PRKG2: variants seen among roughly 807,000 people sequenced by gnomAD.
PRKG2 encodes the protein protein kinase cGMP-dependent 2, also known as cGMP-dependent protein kinase 2.
PRKG2 carries 33 observed loss-of-function variants against 97.2 expected under a neutral mutation model. The ratio of observed to expected loss-of-function variants is 0.34; its 90% CI spans 0.26 to 0.45. The LOEUF (loss-of-function observed/expected upper bound fraction) is 0.45. PRKG2 is among the 20% of genes least tolerant of loss of function. The probability of loss-of-function intolerance (pLI) is 1.00; values close to 1 mark genes in which losing one functional copy is unlikely to be tolerated. For synonymous variants in PRKG2, 330 were observed against 321.8 expected (o/e 1.03, Z -0.27); for missense variants, 638 against 900.0 (o/e 0.71, Z 3.73).
At chr4:81,142,972 C>A (rs778408709) in intron 10 of PRKG2, 25 bp from the exon 11 acceptor site, 2 of 1,563,466 alleles carry the variant, frequency 1.3e-6, no homozygotes, top group Non-Finnish European at 1.7e-6. Context: ...TGAAACTTTA[C>A]ACACACACAC....
At chr4:81,138,995 C>G (rs142164189) in intron 12 of PRKG2, among the ~76,000 whole-genome samples, 15 of 152,218 alleles carry the variant, frequency 9.9e-5, no homozygotes, top group Non-Finnish European at 1.8e-4. Flanking sequence ...AGCATAAATT[C>G]TAGTCATTGC....
chr4:81,107,754 G>A (rs991004312), intron 15 of PRKG2, among the ~76,000 whole-genome samples: 15 of 151,886 alleles, frequency 9.9e-5, no homozygotes, highest in Middle Eastern at 3.4e-3. Flanking sequence ...CTCGTGATCC[G>A]CCCGCCTCAG....
intron 17 of PRKG2, among the ~76,000 whole-genome samples, chr4:81,098,707 C>T (rs532521709): frequency 6.6e-6 from 1 of 152,224 alleles, no homozygotes; most frequent in East Asian, 1.9e-4. Flanking sequence ...TCAGAACACA[C>T]AACATATATC....
chr4:81,196,649 A>T (rs1752975027), intron 2 of PRKG2, among the ~76,000 whole-genome samples: 1 of 152,102 alleles, frequency 6.6e-6, no homozygotes, highest in Admixed American at 6.6e-5. Context: ...TGGCATCACA[A>T]ATAACCCAAG....
At chr4:81,127,839 T>C (rs927594567) in intron 14 of PRKG2, among the ~76,000 whole-genome samples, 3 of 152,202 alleles carry the variant, frequency 2.0e-5, no homozygotes, top group Non-Finnish European at 4.4e-5. Context: ...TCTTGGCTGA[T>C]TGCCCTGGCC....
At chr4:81,150,546 C>A (rs867611054) in intron 8 of PRKG2, among the ~76,000 whole-genome samples, 54 of 152,088 alleles carry the variant, frequency 3.6e-4, no homozygotes, top group African/African-American at 1.3e-3. Flanking sequence ...TTTCAAACAC[C>A]TTTAGGAGTT....
chr4:81,143,579 G>A (rs1747512197), intron 10 of PRKG2, among the ~76,000 whole-genome samples: 2 of 152,094 alleles, frequency 1.3e-5, no homozygotes, highest in Admixed American at 1.3e-4. Context: ...TACCACAAAA[G>A]GCCTTCAGCG....
rs1754216603 is a variant in PRKG2 at position 81,215,139 on chromosome 4, G to A, written c.-217C>T. ...GCTCAGTCGCTCCGGCTACGTGTGA[G>A]CCGGGGGCGCGGGTTAGCGCGATGC... On this transcript the variant is annotated 5_prime_UTR_variant, in exon 1 of 19. Transcript: ENST00000264399. 6.6e-6 allele frequency: 1 copy of A among 152,412 alleles called. No individual in the cohort carries two copies. The highest frequency in any genetic ancestry group is 6.5e-5 in the Admixed American group (1 of 15,284). The allele number at this position is 152,412 out of a possible 1,614,324, so 9.4% of individuals were successfully genotyped here.
chr4:81,108,462 A>T (rs1743574355), intron 15 of PRKG2, among the ~76,000 whole-genome samples: 1 of 150,778 alleles, frequency 6.6e-6, no homozygotes, highest in East Asian at 1.9e-4. Context: ...ACTTATTTAT[A>T]TATTAACACT....
At chr4:81,188,168 A>G (rs1752064708) in intron 2 of PRKG2, among the ~76,000 whole-genome samples, 1 of 152,036 alleles carries the variant, frequency 6.6e-6, no homozygotes, top group Non-Finnish European at 1.5e-5. Context: ...ACTCAAACAA[A>G]TTTACAAGAA....
chr4:81,190,948 G>C (rs1752430750), intron 2 of PRKG2, among the ~76,000 whole-genome samples: 1 of 152,300 alleles, frequency 6.6e-6, no homozygotes, highest in African/African-American at 2.4e-5. Flanking sequence ...TGCTGGAGAG[G>C]ATGTGGAGAA....
chr4:81,188,775 A>G (rs1334085245), intron 2 of PRKG2, among the ~76,000 whole-genome samples: 5 of 110,750 alleles, frequency 4.5e-5, no homozygotes, highest in Non-Finnish European at 4.7e-5. Context: ...TCGCAAGAAC[A>G]AAAAACGAAA....
chr4:81,186,497 C>G (rs1751890601), intron 2 of PRKG2, among the ~76,000 whole-genome samples: 1 of 152,176 alleles, frequency 6.6e-6, no homozygotes, highest in African/African-American at 2.4e-5. Flanking sequence ...ATTTATACCA[C>G]TCAATGCCCA....
Position 81,135,291 on chromosome 4 carries a change from C to T in PRKG2, c.1640G>A (p.Ser547Asn). ...ELWSILRDRG[S>N]FDEPTSKFCV... ...GAATTTGGAGGTGGGTTCATCAAAGCTGCCTCTGCAACGAAATCATTTTCC... is the reference window on the plus strand; with the variant it reads ...GAATTTGGAGGTGGGTTCATCAAAGTTGCCTCTGCAACGAAATCATTTTCC... Residue 547 changes from serine to asparagine, a missense_variant, in exon 14 of 19, where the codon AGC becomes AAC. Ser to Asn is a conservative substitution (Grantham distance 46). Around this residue, in one of 3 missense-constraint regions of PRKG2, gnomAD observed 304 missense variants for 460.5 expected, o/e 0.66. Coordinates refer to ENST00000264399, the MANE Select transcript of PRKG2 (RefSeq NM_006259.3). The T allele has an allele frequency of 6.2e-7, 1 of 1,612,092 alleles. No homozygotes were observed. Among genetic ancestry groups the T allele is most frequent in the Non-Finnish European group, 8.5e-7 (1 of 1,179,086 alleles).
intron 18 of PRKG2, among the ~76,000 whole-genome samples, chr4:81,090,681 A>G (rs2109935597): frequency 6.6e-6 from 1 of 152,336 alleles, no homozygotes; most frequent in Admixed American, 6.5e-5. Flanking sequence ...AATATTATTT[A>G]TGATAGATCA....
intron 2 of PRKG2, among the ~76,000 whole-genome samples, chr4:81,191,311 T>A (rs529890008): frequency 3.9e-5 from 6 of 152,214 alleles, no homozygotes; most frequent in African/African-American, 1.4e-4. Context: ...GAAACCATCA[T>A]TCTCAGCAAA....
At position 81,098,177 on chromosome 4, in the gene PRKG2, C is replaced by T. The variant is rs138486959; in HGVS notation, c.2127-5725G>A. Among the ~76,000 whole-genome samples, 19 of 152,178 alleles carry T rather than the reference C, an allele frequency of 1.2e-4. No homozygotes were observed. The East Asian group carries it at 3.5e-3, about 28-fold the overall frequency. On this transcript the variant is annotated intron_variant, in intron 17 of 18. Transcript: ENST00000264399. ...AGAAAAATGTGAAAAGAGAGACTGG[C>T]CTAGCCTCCCAGTCTACATCTTTCT...
At position 81,110,467 on chromosome 4, in the gene PRKG2, A is replaced by G. The variant is rs762265808; in HGVS notation, c.1921T>C (p.Tyr641His). Residue 641 changes from tyrosine to histidine, a missense_variant, in exon 15 of 19, where the codon TAT (tyrosine) becomes CAT (histidine). Physicochemically the swap from Tyr to His is moderately conservative, Grantham distance 83 (BLOSUM62 2). Around this residue, in one of 3 missense-constraint regions of PRKG2, gnomAD observed 304 missense variants for 460.5 expected, o/e 0.66. Coordinates refer to ENST00000264399, the MANE Select transcript of PRKG2 (RefSeq NM_006259.3). ...VDFWSLGILV[Y>H]ELLTGNPPFS... ...ACATACTTGCCCGTTAGGAGCTCAT[A>G]CACTAGAATTCCCAGTGACCAGAAA... is the stretch of plus-strand genomic sequence containing the variant. 10 of 1,613,464 alleles carry G rather than the reference A, an allele frequency of 6.2e-6. No individual in the cohort carries two copies. The highest frequency in any genetic ancestry group is 8.5e-6 in the Non-Finnish European group (10 of 1,179,820).
chr4:81,213,902 T>C (rs555637884), intron 1 of PRKG2, among the ~76,000 whole-genome samples: 3 of 152,218 alleles, frequency 2.0e-5, no homozygotes, highest in African/African-American at 7.2e-5. Flanking sequence ...AGGTCGTTTA[T>C]TCTTAGTCAT....
Sources: gnomAD v4.1 joint callset for allele counts (sites outside exome capture counted in the v4.1 genomes callset) on GRCh38, gnomAD v4.1.1 for gene constraint, gnomAD v4.1.1 regional missense constraint, MANE v1.5 for transcripts, NCBI Gene and HGNC (gene_info 2026-07-23, HGNC 2026-07-21) for gene names.